TRIO: variants seen among roughly 807,000 people sequenced by gnomAD.
TRIO encodes triple functional domain protein.
TRIO carries 58 observed loss-of-function variants against 351.9 expected under a neutral mutation model. The observed-to-expected ratio is 0.16, with a 90% CI of 0.13 to 0.21. TRIO has a LOEUF of 0.21. Among genes scored for constraint, TRIO ranks in the 10% least tolerant of loss-of-function variants. The pLI, the probability that TRIO is intolerant of heterozygous loss-of-function variation, is 1.00. For synonymous variants in TRIO, 1,758 were observed against 1,595.7 expected (o/e 1.10, Z -2.42); for missense variants, 3,201 against 4,027.8 (o/e 0.79, Z 5.56).
chr5:14,349,886 C>A (rs377140719), intron 11 of TRIO, among the ~76,000 whole-genome samples: 1 of 152,138 alleles, frequency 6.6e-6, no homozygotes, highest in East Asian at 1.9e-4. Flanking sequence ...CCAGCCTCCA[C>A]CTTCAAGTAG....
At chr5:14,331,031 TC>T in intron 10 of TRIO, 131 bp downstream of exon 10, 1 of 1,337,574 alleles carries the variant, frequency 7.5e-7, no homozygotes. Flanking sequence ...AGGTAAAGGC[TC>T]CGATTTCAGA....
chr5:14,253,039 GCA>G (rs1186198581), intron 1 of TRIO, among the ~76,000 whole-genome samples: 1 of 152,192 alleles, frequency 6.6e-6, no homozygotes, highest in Non-Finnish European at 1.5e-5. Context: ...TTCTGTGTCA[GCA>G]CAGTTTTTAG....
intron 8 of TRIO, among the ~76,000 whole-genome samples, chr5:14,305,416 G>A (rs1738273854): frequency 6.6e-6 from 1 of 152,210 alleles, no homozygotes; most frequent in African/African-American, 2.4e-5. Flanking sequence ...AAGGCGAGGG[G>A]TGTAGAGAGG....
intron 1 of TRIO, among the ~76,000 whole-genome samples, chr5:14,251,974 A>AG (rs1465475724): frequency 6.6e-6 from 1 of 151,824 alleles, no homozygotes; most frequent in African/African-American, 2.4e-5. Flanking sequence ...CAACTTAAAA[A>AG]AAAAAAAAAA....
intron 11 of TRIO, 78 bp downstream of exon 11, chr5:14,336,805 C>T: frequency 6.7e-7 from 1 of 1,497,738 alleles, no homozygotes; most frequent in Non-Finnish European, 9.2e-7. Flanking sequence ...TAAATTTAGT[C>T]ATAATGTGAG....
chr5:14,197,038 A>T (rs932472686), intron 1 of TRIO, among the ~76,000 whole-genome samples: 6 of 152,202 alleles, frequency 3.9e-5, no homozygotes, highest in Admixed American at 3.9e-4. Context: ...CTATACTTGT[A>T]AAAAACATCG....
Position 14,292,998 on chromosome 5 carries a change from T to A in TRIO, c.1054-14T>A, listed in dbSNP as rs1217087101. 1 of 1,613,946 alleles carries A rather than the reference T, an allele frequency of 6.2e-7. No individual in the cohort carries two copies. The highest frequency in any genetic ancestry group is 1.3e-5 in the African/African-American group (1 of 74,912). On this transcript the variant is annotated splice_polypyrimidine_tract_variant and intron_variant, in intron 5 of 56. Coordinates refer to ENST00000344204, the MANE Select transcript of TRIO (RefSeq NM_007118.4). ...TTCTGGAGTGATTGCGGGTTGTCTT[T>A]TTCCTTCCGGTAGATGTTTGACTGG...
intron 53 of TRIO, among the ~76,000 whole-genome samples, chr5:14,501,163 G>GACA (rs1757276590): frequency 6.6e-6 from 1 of 151,760 alleles, no homozygotes; most frequent in Admixed American, 6.6e-5. Flanking sequence ...TTCTTAATGT[G>GACA]AGTTGGTAGA....
chr5:14,220,823 C>A (rs1792570029), intron 1 of TRIO, among the ~76,000 whole-genome samples: 1 of 152,186 alleles, frequency 6.6e-6, no homozygotes, highest in African/African-American at 2.4e-5. Flanking sequence ...GAAGCCATCT[C>A]CATAACAAAA....
chr5:14,341,124 A>G (rs1326832276), intron 11 of TRIO, among the ~76,000 whole-genome samples: 1 of 152,184 alleles, frequency 6.6e-6, no homozygotes, highest in East Asian at 1.9e-4. Flanking sequence ...ACACGTTGTC[A>G]TCCACTCTTA....
intron 1 of TRIO, among the ~76,000 whole-genome samples, chr5:14,251,525 C>T (rs1306663418): frequency 6.6e-6 from 1 of 152,222 alleles, no homozygotes; most frequent in African/African-American, 2.4e-5. Context: ...TGGGCCTGTG[C>T]ATCTGTTCCT....
chr5:14,416,234 G>A (rs1031145248), intron 33 of TRIO, among the ~76,000 whole-genome samples: 16 of 150,960 alleles, frequency 1.1e-4, no homozygotes, highest in African/African-American at 3.2e-4. Flanking sequence ...TTCTTAAAAA[G>A]CAGTAACGAT....
intron 1 of TRIO, among the ~76,000 whole-genome samples, chr5:14,179,618 T>A (rs572239675): frequency 5.9e-5 from 9 of 152,104 alleles, no homozygotes; most frequent in African/African-American, 1.4e-4. Context: ...TTGATTTTTT[T>A]TTTTTCTTTT....
intron 13 of TRIO, among the ~76,000 whole-genome samples, chr5:14,362,625 C>T (rs1385595767): frequency 6.6e-6 from 1 of 152,190 alleles, no homozygotes; most frequent in Non-Finnish European, 1.5e-5. Context: ...GGCGTTTCCT[C>T]TAAACTTAGA....
chr5:14,280,276 C>T (rs184686375), intron 2 of TRIO, 46 bp from the exon 3 acceptor site: 1 of 1,553,174 alleles, frequency 6.4e-7, no homozygotes, highest in Non-Finnish European at 8.9e-7. Flanking sequence ...CATAGGATTT[C>T]TGTCTTATCT....
At chr5:14,266,638 T>C (rs1290157504) in intron 1 of TRIO, among the ~76,000 whole-genome samples, 1 of 152,238 alleles carries the variant, frequency 6.6e-6, no homozygotes, top group Non-Finnish European at 1.5e-5. Flanking sequence ...TATTTTAAAA[T>C]GAGTATGTTA....
intron 1 of TRIO, among the ~76,000 whole-genome samples, chr5:14,149,529 G>A (rs930099963): frequency 1.1e-4 from 17 of 152,184 alleles, no homozygotes; most frequent in Non-Finnish European, 1.9e-4. Context: ...CCCGGGAAAG[G>A]TTGTATGTGG....
chr5:14,406,098 A>T, intron 32 of TRIO, 108 bp downstream of exon 32: 1 of 1,452,624 alleles, frequency 6.9e-7, no homozygotes, highest in Non-Finnish European at 9.2e-7. Flanking sequence ...TTTGAGGAAT[A>T]CATTTTTTAA....
intron 8 of TRIO, among the ~76,000 whole-genome samples, chr5:14,312,470 C>A (rs1165726371): frequency 6.6e-6 from 1 of 152,106 alleles, no homozygotes; most frequent in African/African-American, 2.4e-5. Flanking sequence ...TAATATGTAA[C>A]TTTGATTGCC....
Sources: gnomAD v4.1 joint callset for allele counts (sites outside exome capture counted in the v4.1 genomes callset) on GRCh38, gnomAD v4.1.1 for gene constraint, MANE v1.5 for transcripts, NCBI Gene and HGNC (gene_info 2026-07-23, HGNC 2026-07-21) for gene names.